The following BAIAP2 variants were observed in gnomAD, a reference collection of about 807,000 sequenced individuals.
BAIAP2 encodes the protein BAR/IMD domain-containing adapter protein 2.
BAIAP2 carries 18 observed loss-of-function variants against 63.0 expected under a neutral mutation model. The ratio of observed to expected loss-of-function variants is 0.29; its 90% CI spans 0.20 to 0.42. The LOEUF (loss-of-function observed/expected upper bound fraction) is 0.42, where lower values mean the gene tolerates loss of function less well. Among genes scored for constraint, BAIAP2 ranks in the 10% least tolerant of loss-of-function variants. The pLI is 1.00. For synonymous variants in BAIAP2, 386 were observed against 307.6 expected, an observed-to-expected ratio of 1.25 and a Z score of -2.67; for missense variants, 610 against 734.3, an observed-to-expected ratio of 0.83 and a Z score of 1.96.
intron 1 of BAIAP2, among the ~76,000 whole-genome samples, chr17:81,050,676 CAG>C (rs1357734853): frequency 2.6e-5 from 4 of 151,738 alleles, no homozygotes; most frequent in Admixed American, 2.0e-4. Flanking sequence ...CTGTGTCACA[CAG>C]GGTGAGAAAC....
intron 6 of BAIAP2, among the ~76,000 whole-genome samples, chr17:81,098,698 CTT>C (rs2058049426): frequency 6.6e-6 from 1 of 152,240 alleles, no homozygotes; most frequent in Non-Finnish European, 1.5e-5. Flanking sequence ...CTTCTGTCGT[CTT>C]TGCTGGAACC....
At chr17:81,106,935 G>GGGCC (rs763321651) in intron 12 of BAIAP2, 28 bp downstream of exon 12, 73 of 1,477,768 alleles carry the variant, frequency 4.9e-5, no homozygotes, top group Non-Finnish European at 6.3e-5. Flanking sequence ...GGGCTGGGAG[G>GGGCC]GGCCCGCAGG....
chr17:81,074,313 T>G (rs533563044), intron 3 of BAIAP2, among the ~76,000 whole-genome samples: 1 of 152,212 alleles, frequency 6.6e-6, no homozygotes, highest in South Asian at 2.1e-4. Context: ...TGAGTGCCGG[T>G]GTGTGTGCAT....
intron 3 of BAIAP2, among the ~76,000 whole-genome samples, chr17:81,064,088 C>T (rs1388921341): frequency 2.0e-5 from 3 of 152,252 alleles, no homozygotes; most frequent in East Asian, 3.8e-4. Flanking sequence ...GGCCTTGTGG[C>T]CATATGGGGC....
intron 11 of BAIAP2, 44 bp from the exon 12 acceptor site, chr17:81,106,701 G>A (rs2059223997): frequency 6.2e-7 from 1 of 1,610,016 alleles, no homozygotes; most frequent in Non-Finnish European, 8.5e-7. Context: ...GGGTGTTGGG[G>A]GCATCCGGCC....
chr17:81,081,780 C>G (rs80220977), intron 3 of BAIAP2, among the ~76,000 whole-genome samples: 1 of 152,264 alleles, frequency 6.6e-6, no homozygotes, highest in African/African-American at 2.4e-5. Flanking sequence ...TCATCCCGAC[C>G]GTGAGAGGCC....
chr17:81,090,516 C>A (rs1446076751), intron 6 of BAIAP2, among the ~76,000 whole-genome samples: 3 of 152,242 alleles, frequency 2.0e-5, no homozygotes, highest in Admixed American at 2.0e-4. Context: ...CCACTTGGTG[C>A]CAAGCACAAG....
chr17:81,110,126 G>A (rs2059730374), intron 13 of BAIAP2: 2 of 985,488 alleles, frequency 2.0e-6, no homozygotes, highest in African/African-American at 1.7e-5. Context: ...GCCCGCTGGT[G>A]GGAGCCCCTG....
At chr17:81,105,089 C>CG (rs1381190843) in intron 10 of BAIAP2, 1 of 182,942 alleles carries the variant, frequency 5.5e-6, no homozygotes, top group African/African-American at 2.6e-5. Flanking sequence ...GGTCTCCCCC[C>CG]AGCGGCAGGG....
In BAIAP2 at chr17:81,104,014, G is replaced by C; in HGVS notation, c.972G>C (p.Leu324=). The C allele has an allele frequency of 6.2e-7, 1 of 1,613,220 alleles. No homozygotes were observed. Among genetic ancestry groups the C allele is most frequent in the African/African-American group, 1.3e-5 (1 of 75,046 alleles). The change falls in exon 9 of 14, where the codon CTG becomes CTC. Residue 324 remains leucine, a synonymous_variant. Transcript: ENST00000428708. ...ADRKAAQPKS[L]SPPQSQSKLS... The stretch of plus-strand genomic sequence containing the variant: ...GCAAGGCTGCCCAGCCCAAATCCCT[G>C]TCTCCTCCGCAGTCTCAGAGCAAGC...
intron 3 of BAIAP2, among the ~76,000 whole-genome samples, chr17:81,073,155 C>T (rs972404228): frequency 9.2e-5 from 14 of 152,110 alleles, no homozygotes; most frequent in East Asian, 3.9e-4. Context: ...GACCCTCCAG[C>T]GGCCCCTCCC....
At chr17:81,081,500 TGTG>T (rs1405405133) in intron 3 of BAIAP2, among the ~76,000 whole-genome samples, 4 of 152,252 alleles carry the variant, frequency 2.6e-5, no homozygotes, top group African/African-American at 9.6e-5. Flanking sequence ...TTCCCTCTCT[TGTG>T]GGGTCTGTGC....
intron 1 of BAIAP2, among the ~76,000 whole-genome samples, chr17:81,043,681 C>T (rs1034500104): frequency 2.0e-5 from 3 of 152,316 alleles, no homozygotes; most frequent in Middle Eastern, 3.4e-3. Context: ...TGCTCAGCCT[C>T]GTTACTGTTG....
intron 1 of BAIAP2, among the ~76,000 whole-genome samples, chr17:81,039,181 C>T (rs1356593566): frequency 6.6e-6 from 1 of 152,230 alleles, no homozygotes; most frequent in East Asian, 1.9e-4. Context: ...GCACGTCTCC[C>T]AGGAGCAGTG....
intron 3 of BAIAP2, among the ~76,000 whole-genome samples, chr17:81,064,642 T>TTC (rs996184024): frequency 6.6e-6 from 1 of 152,222 alleles, no homozygotes; most frequent in African/African-American, 2.4e-5. Flanking sequence ...TGCCCCTTTG[T>TTC]TCTCTCTCCT....
chr17:81,109,351 T>G, intron 13 of BAIAP2: 1 of 1,049,962 alleles, frequency 9.5e-7, no homozygotes, highest in South Asian at 4.7e-5. Flanking sequence ...AGGTCTAAAG[T>G]TTGAAGAAAA....
At chr17:81,087,630 G>A (rs541941099) in intron 6 of BAIAP2, 1 of 152,380 alleles carries the variant, frequency 6.6e-6, no homozygotes, top group Non-Finnish European at 1.5e-5. Flanking sequence ...ACTAGGCCAG[G>A]GGCAGATGAG....
At chr17:81,047,769 GCA>G (rs1032109465) in intron 1 of BAIAP2, among the ~76,000 whole-genome samples, 3 of 150,608 alleles carry the variant, frequency 2.0e-5, no homozygotes, top group African/African-American at 4.9e-5. Context: ...CATGCCCACA[GCA>G]CACACACAGG....
rs771506891 is a variant in BAIAP2, at chr17:81,115,794, G to A, written c.1560G>A (p.Leu520=). The A allele has an allele frequency of 4.3e-6, 7 of 1,613,518 alleles. No individual in the cohort carries two copies. Among genetic ancestry groups the A allele is most frequent in the Non-Finnish European group, 5.9e-6 (7 of 1,180,018 alleles). ...MSRNPFAHVQ[L]KPTVTNDRSA... is the part of the protein sequence containing the mutation. ...GGAATCCCTTTGCCCACGTCCAGCT[G>A]AAGCCGACAGTGACCAACGACAGGT... Residue 520 remains leucine (L), a synonymous_variant, in exon 14 of 14, where the codon CTG becomes CTA. Coordinates refer to ENST00000428708, the MANE Select transcript of BAIAP2 (RefSeq NM_001144888.2).
Sources: allele counts gnomAD v4.1 joint callset (sites outside exome capture counted in the v4.1 genomes callset), GRCh38; gene constraint gnomAD v4.1.1; transcripts MANE v1.5; gene names NCBI Gene and HGNC (gene_info 2026-07-23, HGNC 2026-07-21).